The following CDIN1 variants were observed in gnomAD, a reference collection of about 807,000 sequenced individuals.
CDIN1 encodes the protein CDAN1-interacting nuclease 1.
A neutral mutation model predicts 45.3 loss-of-function variants in CDIN1; 33 were observed. The observed-to-expected ratio is 0.73, with a 90% CI of 0.55 to 0.97. The LOEUF (loss-of-function observed/expected upper bound fraction) is 0.97. Ranked by LOEUF, CDIN1 falls within the 50% of genes least tolerant of loss-of-function variation. CDIN1 has a pLI of 0.00. For synonymous variants in CDIN1, 118 were observed against 124.4 expected (o/e 0.95, Z 0.34); for missense variants, 303 against 339.4 (o/e 0.89, Z 0.84).
intron 5 of CDIN1, among the ~76,000 whole-genome samples, chr15:36,686,928 AAAG>A (rs992611084): frequency 4.2e-5 from 6 of 143,332 alleles, no homozygotes; most frequent in East Asian, 4.2e-4. Context: ...GGAAGGAAGA[AAAG>A]GAAGGAAGGA....
chr15:36,797,377 T>G (rs1013397243), intron 10 of CDIN1, among the ~76,000 whole-genome samples: 5 of 152,194 alleles, frequency 3.3e-5, no homozygotes, highest in Non-Finnish European at 7.3e-5. Context: ...AAAGCCTACC[T>G]AAACTGATTG....
At chr15:36,706,582 C>T (rs552253517) in intron 8 of CDIN1, 2 of 151,780 alleles carry the variant, frequency 1.3e-5, no homozygotes, top group South Asian at 4.2e-4. Context: ...CACTGCACTC[C>T]CACATGGGCG....
chr15:36,729,997 A>G (rs2043782014), intron 10 of CDIN1, among the ~76,000 whole-genome samples: 1 of 152,310 alleles, frequency 6.6e-6, no homozygotes, highest in East Asian at 1.9e-4. Flanking sequence ...GTCTATGTCA[A>G]TTATATTTTC....
At chr15:36,749,908 C>G (rs1297439193) in intron 10 of CDIN1, among the ~76,000 whole-genome samples, 1 of 152,172 alleles carries the variant, frequency 6.6e-6, no homozygotes, top group Non-Finnish European at 1.5e-5. Context: ...AACCAGGTCC[C>G]CCGACCTTTT....
intron 10 of CDIN1, among the ~76,000 whole-genome samples, chr15:36,778,278 G>A (rs189531409): frequency 1.3e-5 from 2 of 152,296 alleles, no homozygotes; most frequent in South Asian, 2.1e-4. Flanking sequence ...GGATGAGAGT[G>A]ACATGGGATC....
chr15:36,735,570 T>C (rs2043988394), intron 10 of CDIN1, among the ~76,000 whole-genome samples: 1 of 152,140 alleles, frequency 6.6e-6, no homozygotes, highest in Non-Finnish European at 1.5e-5. Context: ...TATATATGCA[T>C]ATTATGTGAT....
Position 36,670,805 on chromosome 15 carries a change from A to G in CDIN1, c.346+12900A>G, listed in dbSNP as rs1332283743. ...ACTGTGAACATTGGTAAAGAATGAG[A>G]TAGAGAAAAGTGTAGCTTCTTTAGG... On this transcript the variant is annotated intron_variant, in intron 5 of 10. Coordinates refer to ENST00000566621, the MANE Select transcript of CDIN1 (RefSeq NM_001321759.2). Among the ~76,000 whole-genome samples, 6 of 152,232 alleles carry G rather than the reference A, an allele frequency of 3.9e-5. No homozygotes were observed. In the East Asian group the frequency reaches 1.2e-3, roughly 29 times the overall value.
At chr15:36,619,800 G>A (rs1440594020) in intron 1 of CDIN1, among the ~76,000 whole-genome samples, 3 of 152,112 alleles carry the variant, frequency 2.0e-5, no homozygotes, top group Non-Finnish European at 2.9e-5. Flanking sequence ...ATTGCAAAGC[G>A]GATTAGTGGC....
chr15:36,660,478 A>G (rs1394104760), intron 5 of CDIN1, among the ~76,000 whole-genome samples: 1 of 152,178 alleles, frequency 6.6e-6, no homozygotes, highest in African/African-American at 2.4e-5. Context: ...CTTCTGTAAA[A>G]AGGTATAGCT....
intron 3 of CDIN1, among the ~76,000 whole-genome samples, chr15:36,646,926 A>C (rs574864174): frequency 2.4e-4 from 37 of 152,168 alleles, no homozygotes; most frequent in Admixed American, 7.2e-4. Flanking sequence ...CTGCTATTTC[A>C]AATCTAAGTT....
chr15:36,650,781 T>C (rs191643684), intron 3 of CDIN1, among the ~76,000 whole-genome samples: 10 of 152,274 alleles, frequency 6.6e-5, no homozygotes, highest in Admixed American at 1.3e-4. Flanking sequence ...ATAAGATTTC[T>C]GTTAACCATG....
intron 10 of CDIN1, among the ~76,000 whole-genome samples, chr15:36,767,909 T>A (rs1197053447): frequency 6.6e-6 from 1 of 152,190 alleles, no homozygotes; most frequent in Non-Finnish European, 1.5e-5. Flanking sequence ...TAAGTAGTCA[T>A]TATTAGGAAT....
chr15:36,585,569 G>A (rs2037257163), intron 1 of CDIN1, among the ~76,000 whole-genome samples: 1 of 152,294 alleles, frequency 6.6e-6, no homozygotes, highest in South Asian at 2.1e-4. Context: ...GGCCTACTTA[G>A]TGCATTACAT....
chr15:36,705,217 T>G (rs1377930716), intron 8 of CDIN1: 1 of 152,168 alleles, frequency 6.6e-6, no homozygotes, highest in Admixed American at 6.5e-5. Context: ...GGATGTGGTT[T>G]TATTGATTTA....
At chr15:36,687,022 AGAAG>A (rs919290271) in intron 5 of CDIN1, among the ~76,000 whole-genome samples, 8 of 119,608 alleles carry the variant, frequency 6.7e-5, no homozygotes, top group Admixed American at 2.7e-4. Context: ...CCAAGAGAAT[AGAAG>A]GAAGGGAGGG....
chr15:36,783,904 C>G (rs1470595310), intron 10 of CDIN1, among the ~76,000 whole-genome samples: 2 of 152,096 alleles, frequency 1.3e-5, no homozygotes, highest in African/African-American at 4.8e-5. Flanking sequence ...CAGCAAGTAA[C>G]TCTAAATGAA....
rs116835348 is a variant in CDIN1, at chr15:36,579,662, C to T, written c.-199C>T. 7 of 537,692 alleles carry T rather than the reference C, an allele frequency of 1.3e-5. No homozygotes were observed. Among genetic ancestry groups the T allele is most frequent in the African/African-American group, 3.8e-5 (2 of 52,302 alleles). The allele number at this position is 537,692 out of a possible 1,614,324, so 33.3% of individuals were successfully genotyped here. ...CAGCCAGTCCCCGCCGCGGAGGTGC[C>T]GGTGGAGCCTGGGACCGGGCGAGTC... On this transcript the variant is annotated 5_prime_UTR_variant, in exon 1 of 11. Coordinates refer to ENST00000566621, the MANE Select transcript of CDIN1 (RefSeq NM_001321759.2).
rs575988105 is a variant in CDIN1 at position 36,802,221 on chromosome 15, A to G, written c.717-6103A>G. 2.6e-5 allele frequency among the ~76,000 whole-genome samples: 4 copies of G among 152,318 alleles called. No individual in the cohort carries two copies. In the South Asian group the frequency reaches 8.3e-4, roughly 32 times the overall value. On this transcript the variant is annotated intron_variant, in intron 10 of 10. Coordinates refer to ENST00000566621, the MANE Select transcript of CDIN1 (RefSeq NM_001321759.2). ...AGGATAGTCATAGTGCCCTCCTCAT[A>G]GGGTGGCAGTGAGTACCAAATTAGT... is the stretch of plus-strand genomic sequence containing the variant.
chr15:36,753,205 T>C (rs895368355), intron 10 of CDIN1, among the ~76,000 whole-genome samples: 1 of 152,116 alleles, frequency 6.6e-6, no homozygotes, highest in Non-Finnish European at 1.5e-5. Context: ...TTAGGAACTC[T>C]CCTAAAGGTT....
Sources: gnomAD v4.1 joint callset for allele counts (sites outside exome capture counted in the v4.1 genomes callset) on GRCh38, gnomAD v4.1.1 for gene constraint, MANE v1.5 for transcripts, NCBI Gene and HGNC (gene_info 2026-07-23, HGNC 2026-07-21) for gene names.